Variants in C16orf74 observed in about 807,000 individuals in gnomAD.
C16orf74 encodes uncharacterized protein C16orf74.
In C16orf74, 10 loss-of-function variants were observed where a neutral mutation model predicts 6.5. The observed-to-expected ratio is 1.54, with a 90% CI of 0.95 to 2.61. The LOEUF (loss-of-function observed/expected upper bound fraction) is 2.61. Among genes scored for constraint, C16orf74 ranks in the 30% most tolerant of loss-of-function variants. The pLI, the probability that C16orf74 is intolerant of heterozygous loss-of-function variation, is 0.00. For synonymous variants in C16orf74, 60 were observed against 42.5 expected (o/e 1.41, Z -1.60); for missense variants, 141 against 105.9 (o/e 1.33, Z -1.45).
At chr16:85,732,191 G>C (rs2054195962) in intron 2 of C16orf74, among the ~76,000 whole-genome samples, 1 of 152,216 alleles carries the variant, frequency 6.6e-6, no homozygotes, top group South Asian at 2.1e-4. Context: ...AGCCTCCTTA[G>C]AGCTTCCAGA....
chr16:85,742,149 G>A (rs2152065897), intron 1 of C16orf74, among the ~76,000 whole-genome samples: 1 of 152,296 alleles, frequency 6.6e-6, no homozygotes, highest in East Asian at 1.9e-4. Flanking sequence ...GAGGTGGCTG[G>A]ATCACTTGAG....
At chr16:85,721,466 G>A (rs757015669) in intron 2 of C16orf74, among the ~76,000 whole-genome samples, 3 of 152,158 alleles carry the variant, frequency 2.0e-5, no homozygotes, top group South Asian at 2.1e-4. Context: ...GGTAAAATGC[G>A]GGCCTTCCAT....
chr16:85,708,184 G>A (rs1186522234), intron 3 of C16orf74, 118 bp from the exon 4 acceptor site: 31 of 857,574 alleles, frequency 3.6e-5, no homozygotes, highest in East Asian at 2.7e-5. Flanking sequence ...GGTGCTGCCA[G>A]AGGCTGAGAT....
intron 2 of C16orf74, among the ~76,000 whole-genome samples, chr16:85,733,226 A>C (rs1338381033): frequency 6.6e-6 from 1 of 152,260 alleles, no homozygotes; most frequent in East Asian, 1.9e-4. Flanking sequence ...AGCCGTGAAA[A>C]GGAACGAAGC....
intron 2 of C16orf74, among the ~76,000 whole-genome samples, chr16:85,712,194 C>T (rs1261439095): frequency 5.3e-5 from 8 of 152,202 alleles, no homozygotes. Context: ...CCTCCAGCCC[C>T]AGTCCAGCCA....
chr16:85,743,835 C>T (rs905233556), intron 1 of C16orf74, among the ~76,000 whole-genome samples: 1 of 152,036 alleles, frequency 6.6e-6, no homozygotes, highest in Non-Finnish European at 1.5e-5. Context: ...GGGCGGATCA[C>T]GAGATCAGGA....
chr16:85,737,308 C>A (rs1281059655), intron 1 of C16orf74, among the ~76,000 whole-genome samples: 1 of 152,170 alleles, frequency 6.6e-6, no homozygotes. Context: ...GAGTCTCAGG[C>A]CCTGAGCTGG....
At chr16:85,729,841 T>C (rs10863186) in intron 2 of C16orf74, among the ~76,000 whole-genome samples, 57,955 of 151,918 alleles carry the variant, frequency 0.38, 12,946 homozygotes, top group East Asian at 0.75. Flanking sequence ...GGTTCCTCCT[T>C]TGGCGCTGAG....
At chr16:85,736,490 A>C (rs2054246178) in intron 1 of C16orf74, among the ~76,000 whole-genome samples, 1 of 152,108 alleles carries the variant, frequency 6.6e-6, no homozygotes, top group Non-Finnish European at 1.5e-5. Flanking sequence ...GGTTTGGAGG[A>C]GAAGGAGCTG....
At chr16:85,740,540 A>G (rs1363709834) in intron 1 of C16orf74, among the ~76,000 whole-genome samples, 31 of 152,062 alleles carry the variant, frequency 2.0e-4, no homozygotes, top group Non-Finnish European at 2.9e-5. Flanking sequence ...GTCTCTACTA[A>G]AAATATAAAA....
chr16:85,748,002 C>G (rs1162546553), intron 1 of C16orf74, among the ~76,000 whole-genome samples: 1 of 151,788 alleles, frequency 6.6e-6, no homozygotes, highest in African/African-American at 2.4e-5. Flanking sequence ...TAGAGAATTG[C>G]TTGAACCTAG....
chr16:85,721,906 C>A (rs2054086730), intron 2 of C16orf74, among the ~76,000 whole-genome samples: 1 of 151,380 alleles, frequency 6.6e-6, no homozygotes, highest in Non-Finnish European at 1.5e-5. Context: ...CTGTCACCTA[C>A]TGCAAAGGGG....
intron 2 of C16orf74, among the ~76,000 whole-genome samples, chr16:85,721,312 G>A (rs532162131): frequency 6.6e-6 from 1 of 151,372 alleles, no homozygotes; most frequent in African/African-American, 2.4e-5. Flanking sequence ...CTAACACTTT[G>A]GTCATTCTCT....
At chr16:85,745,866 C>T (rs1251834520) in intron 1 of C16orf74, among the ~76,000 whole-genome samples, 1 of 152,216 alleles carries the variant, frequency 6.6e-6, no homozygotes, top group Non-Finnish European at 1.5e-5. Context: ...TTTGCCGATT[C>T]CCTTCAGTTA....
intron 2 of C16orf74, among the ~76,000 whole-genome samples, chr16:85,720,349 C>T (rs895530085): frequency 2.6e-5 from 4 of 152,208 alleles, no homozygotes; most frequent in Non-Finnish European, 5.9e-5. Context: ...TGGGCACTGA[C>T]TGCACTTCCT....
At chr16:85,732,887 C>A (rs1309865090) in intron 2 of C16orf74, among the ~76,000 whole-genome samples, 1 of 152,094 alleles carries the variant, frequency 6.6e-6, no homozygotes, top group African/African-American at 2.4e-5. Flanking sequence ...AGCTCTGGGG[C>A]CGACAGGAAG....
chr16:85,735,559 G>A (rs761819402), intron 1 of C16orf74, among the ~76,000 whole-genome samples: 5 of 152,136 alleles, frequency 3.3e-5, no homozygotes, highest in Non-Finnish European at 5.9e-5. Flanking sequence ...ATGGGGAACC[G>A]ACACCACCAA....
At chr16:85,740,503 C>G (rs970403138) in intron 1 of C16orf74, among the ~76,000 whole-genome samples, 9 of 151,902 alleles carry the variant, frequency 5.9e-5, no homozygotes, top group African/African-American at 2.2e-4. Flanking sequence ...GAGATCGAGA[C>G]CATCCTGGCT....
intron 1 of C16orf74, among the ~76,000 whole-genome samples, chr16:85,736,930 G>A (rs191083976): frequency 6.6e-6 from 1 of 152,274 alleles, no homozygotes; most frequent in Non-Finnish European, 1.5e-5. Context: ...TGTAATACCG[G>A]CTACTCAGGA....
Sources: allele counts gnomAD v4.1 joint callset (sites outside exome capture counted in the v4.1 genomes callset), GRCh38; gene constraint gnomAD v4.1.1; transcripts MANE v1.5; gene names NCBI Gene and HGNC (gene_info 2026-07-23, HGNC 2026-07-21).